The following TBC1D15 variants were observed in gnomAD, a reference collection of about 807,000 sequenced individuals.
TBC1D15 encodes GAP for RAB7.
A neutral mutation model predicts 95.4 loss-of-function variants in TBC1D15; 39 were observed. The observed-to-expected ratio is 0.41, with a 90% CI of 0.32 to 0.53. The LOEUF is 0.53. TBC1D15 is among the 20% of genes least tolerant of loss of function. The pLI is 0.29. For missense variants in TBC1D15, 733 were observed against 794.3 expected (o/e 0.92, Z 0.93); for synonymous variants, 258 against 261.3 (o/e 0.99, Z 0.12).
intron 5 of TBC1D15, 98 bp downstream of exon 5, chr12:71,885,119 T>C: frequency 8.7e-7 from 1 of 1,147,210 alleles, no homozygotes; most frequent in South Asian, 1.4e-5. Flanking sequence ...GTGACCTATT[T>C]GCATATGAGG....
At chr12:71,846,487 T>C (rs947520422) in intron 1 of TBC1D15, among the ~76,000 whole-genome samples, 1 of 152,218 alleles carries the variant, frequency 6.6e-6, no homozygotes, top group Non-Finnish European at 1.5e-5. Flanking sequence ...TGGCACATAA[T>C]TGCTTCATAA....
intron 11 of TBC1D15, among the ~76,000 whole-genome samples, chr12:71,910,612 C>T (rs1440447867): frequency 1.3e-5 from 2 of 151,908 alleles, no homozygotes; most frequent in African/African-American, 4.8e-5. Context: ...GTATTTTATT[C>T]TCTTTGAAGC....
intron 4 of TBC1D15, among the ~76,000 whole-genome samples, chr12:71,884,495 G>A (rs1221065715): frequency 1.3e-5 from 2 of 152,180 alleles, no homozygotes; most frequent in Non-Finnish European, 1.5e-5. Flanking sequence ...CATTCAGTTA[G>A]TAAGATGGTA....
chr12:71,905,570 C>T (rs554787291), intron 10 of TBC1D15, among the ~76,000 whole-genome samples: 1 of 152,202 alleles, frequency 6.6e-6, no homozygotes, highest in South Asian at 2.1e-4. Context: ...AAGCAGTCCT[C>T]CTGTTTTGGC....
intron 5 of TBC1D15, among the ~76,000 whole-genome samples, chr12:71,890,819 T>C (rs774283369): frequency 2.0e-5 from 3 of 152,250 alleles, no homozygotes; most frequent in Non-Finnish European, 4.4e-5. Flanking sequence ...TTTATCATCA[T>C]TTAAAATATG....
rs182263152 is a variant in TBC1D15, at chr12:71,899,074, A to G, written c.1183+1133A>G. 2.7e-3 allele frequency among the ~76,000 whole-genome samples: 416 copies of G among 152,270 alleles called. 1 individual carries two copies. The highest frequency in any genetic ancestry group is 0.012 in the South Asian group (59 of 4,830). On this transcript the variant is annotated intron_variant, in intron 10 of 16. Transcript: ENST00000485960. ...TCTGGTGTTTTACTCCTGCTTGAGC[A>G]TAAAATATTCGAACTGGAAGGGAAG... is the stretch of plus-strand genomic sequence containing the variant.
chr12:71,919,407 A>G (rs535093086), intron 14 of TBC1D15, among the ~76,000 whole-genome samples: 7 of 152,170 alleles, frequency 4.6e-5, no homozygotes, highest in South Asian at 2.1e-4. Context: ...GATAACAGAA[A>G]TTCTTCCAAG....
At chr12:71,919,176 T>C (rs1198262931) in intron 14 of TBC1D15, among the ~76,000 whole-genome samples, 1 of 150,798 alleles carries the variant, frequency 6.6e-6, no homozygotes, top group Non-Finnish European at 1.5e-5. Flanking sequence ...TTTTCTAAAG[T>C]ATTTGCTAAT....
chr12:71,842,855 GAAA>G (rs1257663790), intron 1 of TBC1D15, among the ~76,000 whole-genome samples: 1 of 147,054 alleles, frequency 6.8e-6, no homozygotes, highest in Non-Finnish European at 1.5e-5. Flanking sequence ...AAAAAGAAAA[GAAA>G]AAGAAAATGA....
At chr12:71,846,369 G>A (rs910454919) in intron 1 of TBC1D15, among the ~76,000 whole-genome samples, 1 of 152,076 alleles carries the variant, frequency 6.6e-6, no homozygotes, top group Admixed American at 6.5e-5. Flanking sequence ...TTTTTTTGTA[G>A]TATTTTTACA....
intron 5 of TBC1D15, among the ~76,000 whole-genome samples, chr12:71,886,260 G>T (rs531159118): frequency 6.6e-6 from 1 of 151,884 alleles, no homozygotes; most frequent in African/African-American, 2.4e-5. Flanking sequence ...CCTCTGCCTC[G>T]TGGGTTCAGA....
At chr12:71,849,916 G>A (rs1887339651) in intron 1 of TBC1D15, 1 of 561,638 alleles carries the variant, frequency 1.8e-6, no homozygotes, top group Admixed American at 2.1e-5. Context: ...TTGAGGATCA[G>A]TGGCTGGAAA....
Position 71,893,202 on chromosome 12 carries a change from A to G in TBC1D15, c.555-20A>G, listed in dbSNP as rs1484730427. 2 of 1,519,588 alleles carry G rather than the reference A, an allele frequency of 1.3e-6. No homozygotes were observed. Among genetic ancestry groups the G allele is most frequent in the Non-Finnish European group, 9.0e-7 (1 of 1,113,452 alleles). 94.1% of individuals were successfully genotyped at this position (1,519,588 alleles called of 1,614,324 possible). A position where few individuals can be genotyped will look rare whatever the true frequency, so the allele number is the denominator to read the frequency against. On this transcript the variant is annotated intron_variant, in intron 5 of 16. Transcript: ENST00000485960. ...ATACAGTGTGTTAGTATTTTCTACA[A>G]ATCCTCTTTTTTATTATAGATCTCC...
chr12:71,875,127 C>T (rs1327899675), intron 3 of TBC1D15, among the ~76,000 whole-genome samples: 1 of 151,616 alleles, frequency 6.6e-6, no homozygotes, highest in Non-Finnish European at 1.5e-5. Context: ...TTTGTAGAGA[C>T]AGGGTTTCAG....
At chr12:71,849,459 T>G (rs1220884769) in intron 1 of TBC1D15, 2 of 992,814 alleles carry the variant, frequency 2.0e-6, no homozygotes, top group Admixed American at 1.7e-5. Flanking sequence ...AAGGGAAGAT[T>G]CCAAACTCAT....
intron 8 of TBC1D15, 59 bp from the exon 9 acceptor site, chr12:71,896,618 T>C: frequency 7.0e-7 from 1 of 1,432,416 alleles, no homozygotes; most frequent in Non-Finnish European, 9.6e-7. Context: ...GCAAGTTTTG[T>C]GAACTTACAG....
intron 1 of TBC1D15, among the ~76,000 whole-genome samples, chr12:71,857,150 T>G (rs1193172617): frequency 6.6e-6 from 1 of 152,064 alleles, no homozygotes. Flanking sequence ...GCATCTTGCT[T>G]TACTGCCCAG....
intron 1 of TBC1D15, among the ~76,000 whole-genome samples, chr12:71,859,421 C>T (rs1454489361): frequency 6.6e-6 from 1 of 151,862 alleles, no homozygotes; most frequent in East Asian, 1.9e-4. Flanking sequence ...TTGCTTGTTT[C>T]CTATGCTATG....
chr12:71,875,099 C>A (rs12580797), intron 3 of TBC1D15, among the ~76,000 whole-genome samples: 1 of 151,788 alleles, frequency 6.6e-6, no homozygotes, highest in South Asian at 2.1e-4. Flanking sequence ...CCACCATGCC[C>A]GGCTAATTTT....
Sources: gnomAD v4.1 joint callset for allele counts (sites outside exome capture counted in the v4.1 genomes callset) on GRCh38, gnomAD v4.1.1 for gene constraint, MANE v1.5 for transcripts, NCBI Gene and HGNC (gene_info 2026-07-23, HGNC 2026-07-21) for gene names.